The following GBF1 variants were observed in gnomAD, a reference collection of about 807,000 sequenced individuals.
The protein encoded by GBF1 is golgi brefeldin A resistant guanine nucleotide exchange factor 1, also known as Golgi-specific brefeldin A-resistance guanine nucleotide exchange factor 1.
Under a neutral mutation model 210.5 loss-of-function variants are expected in GBF1, and 114 were observed. The ratio of observed to expected loss-of-function variants is 0.54; its 90% CI spans 0.47 to 0.63. The LOEUF (loss-of-function observed/expected upper bound fraction) is 0.63. Ranked by LOEUF, GBF1 falls within the 30% of genes least tolerant of loss-of-function variation. The pLI is 0.00. For synonymous variants in GBF1, 850 were observed against 889.2 expected, an observed-to-expected ratio of 0.96 and a Z score of 0.78; for missense variants, 1,851 against 2,357.7, an observed-to-expected ratio of 0.79 and a Z score of 4.45.
chr10:102,362,832 TC>T, intron 15 of GBF1, among the ~76,000 whole-genome samples, 168 bp downstream of exon 15: 1 of 152,146 alleles, frequency 6.6e-6, no homozygotes. Flanking sequence ...TTAGTAGAAC[TC>T]ATAGCCTTCT....
chr10:102,375,394 G>T lies in GBF1; in HGVS notation c.3696G>T (p.Lys1232Asn). The T allele has an allele frequency of 6.2e-7, 1 of 1,613,560 alleles. No individual in the cohort carries two copies. ...CCCTGCGCATTTTGCTACTGATGAA[G>T]CCCAGTGTGCTATCCCGAGTCAGCC... is the stretch of plus-strand genomic sequence containing the variant. ...LLSLRILLLM[K>N]PSVLSRVSHQ... The change falls in exon 30 of 40, where the codon AAG becomes AAT. Residue 1232 changes from lysine to asparagine, a missense_variant. By Grantham distance (94) the Lys-to-Asn change is moderately conservative. Coordinates refer to ENST00000369983, the MANE Select transcript of GBF1 (RefSeq NM_001377137.1).
At chr10:102,290,557 A>G (rs2076350435) in intron 3 of GBF1, among the ~76,000 whole-genome samples, 1 of 152,152 alleles carries the variant, frequency 6.6e-6, no homozygotes, top group South Asian at 2.1e-4. Context: ...GGAGTGCAAT[A>G]GTGTGATCAC....
intron 21 of GBF1, among the ~76,000 whole-genome samples, chr10:102,367,998 A>G (rs1031131058): frequency 2.6e-5 from 4 of 152,214 alleles, no homozygotes; most frequent in African/African-American, 7.2e-5. Flanking sequence ...TGATCTTACT[A>G]TAGAACTAAA....
At position 102,277,424 on chromosome 10, in the gene GBF1, C is replaced by G. The variant is rs1333565485; in HGVS notation, c.163+17308C>G. On this transcript the variant is annotated intron_variant, in intron 3 of 39. Coordinates refer to ENST00000369983, the MANE Select transcript of GBF1 (RefSeq NM_001377137.1). ...TTTTTTTTTTTCAGACAGTCTCGCT[C>G]TGTCACCCAGGCTGGAGTGCAATAG... Among the ~76,000 whole-genome samples the G allele has an allele frequency of 2.7e-5, 4 of 147,110 alleles. No homozygotes were observed. In the South Asian group the frequency reaches 8.5e-4, roughly 31 times the overall value.
chr10:102,364,217 C>CTTTTTTT (rs1031275118), intron 17 of GBF1, among the ~76,000 whole-genome samples: 7 of 66,938 alleles, frequency 1.0e-4, no homozygotes, highest in East Asian at 5.1e-4. Context: ...CTTTGGATTT[C>CTTTTTTT]TTTTTTTTTT....
In GBF1 at chr10:102,320,347, CATT is replaced by C. The variant is rs137993280; in HGVS notation, c.164-23700_164-23698del. Among the ~76,000 whole-genome samples, 816 of 152,216 alleles carry C rather than the reference CATT, an allele frequency of 5.4e-3. 5 individuals are homozygous for C. Among genetic ancestry groups the C allele is most frequent in the Admixed American group, 8.8e-3 (135 of 15,294 alleles). On this transcript the variant is annotated intron_variant, in intron 3 of 39. Transcript: ENST00000369983. Reference sequence around the variant, plus strand: ...GGAGTTCTTACAATTTCTTTATCCTCATTATTCTGAAACACTTGGTGTGGGTCT... The same window carrying C: ...GGAGTTCTTACAATTTCTTTATCCTCATTCTGAAACACTTGGTGTGGGTCT...
chr10:102,288,395 C>T (rs942738147), intron 3 of GBF1, among the ~76,000 whole-genome samples: 5 of 152,122 alleles, frequency 3.3e-5, no homozygotes, highest in Non-Finnish European at 7.4e-5. Context: ...GAGATAAAGA[C>T]CTAATGCTCG....
chr10:102,332,266 G>C (rs1247743324), intron 3 of GBF1, among the ~76,000 whole-genome samples: 2 of 152,066 alleles, frequency 1.3e-5, no homozygotes, highest in African/African-American at 2.4e-5. Flanking sequence ...AAGGGAAAAA[G>C]TTTGTAGATG....
chr10:102,283,288 G>C (rs1432085052), intron 3 of GBF1, among the ~76,000 whole-genome samples: 1 of 152,202 alleles, frequency 6.6e-6, no homozygotes, highest in Non-Finnish European at 1.5e-5. Context: ...TAGAAGCTGT[G>C]TTTGGACCCT....
chr10:102,273,311 G>A (rs896813963), intron 3 of GBF1, among the ~76,000 whole-genome samples: 4 of 151,964 alleles, frequency 2.6e-5, no homozygotes, highest in African/African-American at 9.7e-5. Flanking sequence ...CAGCCTGGGC[G>A]ACAGAGCAAG....
the GBF1 span, chr10:102,230,799 G>A: frequency 6.4e-7 from 1 of 1,551,172 alleles, no homozygotes; most frequent in African/African-American, 1.4e-5. Flanking sequence ...GCCCTGGCAC[G>A]GTGCCCGGGG....
In GBF1 at chr10:102,367,109, A is replaced by G; in HGVS notation, c.2458A>G (p.Asn820Asp). The G allele has an allele frequency of 6.2e-7, 1 of 1,614,154 alleles. No homozygotes were observed. Among genetic ancestry groups the G allele is most frequent in the Middle Eastern group, 1.6e-4 (1 of 6,062 alleles). ...WMNCNGSPFA[N>D]SDACFSLAYA... Reference sequence around the variant, plus strand: ...GAATTGTAATGGCTCCCCATTTGCCAATAGCGATGCCTGCTTTTCCCTGGC... The same window carrying G: ...GAATTGTAATGGCTCCCCATTTGCCGATAGCGATGCCTGCTTTTCCCTGGC... Residue 820 changes from asparagine (N) to aspartate (D), a missense_variant, in exon 20 of 40, where the codon AAT becomes GAT. This residue lies in a region of GBF1 where 80 missense variants were observed against 151.4 expected (regional missense o/e 0.53). Transcript: ENST00000369983.
intron 3 of GBF1, among the ~76,000 whole-genome samples, chr10:102,318,517 A>G (rs1320586026): frequency 6.6e-6 from 1 of 152,128 alleles, no homozygotes; most frequent in Non-Finnish European, 1.5e-5. Flanking sequence ...CAGTTTTTCA[A>G]TATTATAAGC....
intron 21 of GBF1, 122 bp downstream of exon 21, chr10:102,367,682 C>A: frequency 2.9e-6 from 2 of 698,024 alleles, no homozygotes; most frequent in East Asian, 2.7e-5. Context: ...AGCCTCAGGA[C>A]TTAGTTGGGC....
At chr10:102,299,078 G>A (rs1193096131) in intron 3 of GBF1, among the ~76,000 whole-genome samples, 4 of 152,172 alleles carry the variant, frequency 2.6e-5, no homozygotes, top group Admixed American at 6.5e-5. Context: ...GCCTCACCTT[G>A]ATGACCTTGG....
chr10:102,381,587 C>T (rs1039315308), intron 39 of GBF1, among the ~76,000 whole-genome samples: 18 of 151,980 alleles, frequency 1.2e-4, no homozygotes, highest in Non-Finnish European at 4.4e-5. Flanking sequence ...CTTTGGGAGG[C>T]TGAGGCAGGT....
chr10:102,365,412 A>G lies in GBF1; in HGVS notation c.2122A>G (p.Thr708Ala), dbSNP rs2059857881. ...KNKKKLLITG[T>A]EQFNQKPKKG... Reference sequence around the variant, plus strand: ...TCTCATGCAGCTGCTAATCACTGGCACAGAGCAGTTCAATCAGAAACCAAA... The same window carrying G: ...TCTCATGCAGCTGCTAATCACTGGCGCAGAGCAGTTCAATCAGAAACCAAA... Residue 708 changes from threonine to alanine, a missense_variant, in exon 18 of 40, where the codon ACA becomes GCA. This residue lies in a region of GBF1 where 804 missense variants were observed against 958.6 expected (regional missense o/e 0.84). Transcript: ENST00000369983. 1 of 1,613,872 alleles carries G rather than the reference A, an allele frequency of 6.2e-7. No individual in the cohort carries two copies. Among genetic ancestry groups the G allele is most frequent in the Non-Finnish European group, 8.5e-7 (1 of 1,179,860 alleles).
At chr10:102,328,440 CTG>C (rs1256228699) in intron 3 of GBF1, among the ~76,000 whole-genome samples, 1 of 152,140 alleles carries the variant, frequency 6.6e-6, no homozygotes, top group Non-Finnish European at 1.5e-5. Context: ...TGAGCCGAGA[CTG>C]TGCCACTGCA....
rs1167036419 is a variant in GBF1, at chr10:102,368,349, T to C, written c.2774T>C (p.Leu925Pro). ...CGTGTGCCTACTGCCAGCTATGATC[T>C]TGACCTCTTCACCATGACCTGGGGC... ...FLRVPTASYD[L>P]DLFTMTWGPT... The change falls in exon 22 of 40, where the codon CTT (leucine) becomes CCT (proline). Residue 925 changes from leucine (L) to proline (P), a missense_variant. Leu to Pro is a moderately conservative substitution (Grantham distance 98). Coordinates refer to ENST00000369983, the MANE Select transcript of GBF1 (RefSeq NM_001377137.1). 1.2e-6 allele frequency: 2 copies of C among 1,613,980 alleles called. No individual in the cohort carries two copies.
Sources: gnomAD v4.1 joint callset for allele counts (sites outside exome capture counted in the v4.1 genomes callset) on GRCh38, gnomAD v4.1.1 for gene constraint, gnomAD v4.1.1 regional missense constraint, MANE v1.5 for transcripts, NCBI Gene and HGNC (gene_info 2026-07-23, HGNC 2026-07-21) for gene names.